The following GPHN variants were observed in gnomAD, a reference collection of about 807,000 sequenced individuals.
GPHN encodes gephyrin.
Under a neutral mutation model 95.5 loss-of-function variants are expected in GPHN, and 17 were observed. That is an observed-to-expected ratio of 0.18 (90% CI 0.12 to 0.27). The LOEUF (loss-of-function observed/expected upper bound fraction) is 0.27, where lower values mean the gene tolerates loss of function less well. GPHN is among the 10% of genes least tolerant of loss of function. GPHN has a pLI of 1.00. For synonymous variants in GPHN, 320 were observed against 322.5 expected (o/e 0.99, Z 0.08); for missense variants, 660 against 978.1 (o/e 0.67, Z 4.34).
chr14:66,788,751 G>A (rs551471934), intron 3 of GPHN, among the ~76,000 whole-genome samples: 1 of 152,226 alleles, frequency 6.6e-6, no homozygotes, highest in South Asian at 2.1e-4. Flanking sequence ...CCAACCCCCA[G>A]GTTCAAGTGA....
chr14:67,478,473 T>G, the GPHN span, among the ~76,000 whole-genome samples: 1 of 152,236 alleles, frequency 6.6e-6, no homozygotes, highest in Non-Finnish European at 1.5e-5. Context: ...CAGCTTTGCC[T>G]TCTTCCTTCT....
intron 2 of GPHN, among the ~76,000 whole-genome samples, chr14:66,741,169 T>G (rs2072759201): frequency 6.6e-6 from 1 of 152,210 alleles, no homozygotes; most frequent in Non-Finnish European, 1.5e-5. Flanking sequence ...CAACACATGC[T>G]TTTTGGGGAA....
chr14:66,957,952 G>A (rs1315142569), intron 8 of GPHN, among the ~76,000 whole-genome samples: 2 of 152,142 alleles, frequency 1.3e-5, no homozygotes, highest in Admixed American at 1.3e-4. Context: ...GATCTGAGGT[G>A]GAACAGTTTT....
At chr14:66,739,538 T>TA (rs1163536546) in intron 2 of GPHN, among the ~76,000 whole-genome samples, 64 of 150,470 alleles carry the variant, frequency 4.3e-4, no homozygotes, top group African/African-American at 1.4e-3. Flanking sequence ...TTTTTTTTTT[T>TA]AAACAAAACC....
intron 2 of GPHN, among the ~76,000 whole-genome samples, chr14:66,690,365 GTTTTA>G (rs2067689470): frequency 6.6e-6 from 1 of 151,886 alleles, no homozygotes; most frequent in Non-Finnish European, 1.5e-5. Flanking sequence ...TTGATTTCTA[GTTTTA>G]TTTAATTTTG....
the GPHN span, chr14:67,332,724 C>T: frequency 6.5e-7 from 1 of 1,528,874 alleles, no homozygotes; most frequent in African/African-American, 1.4e-5. Context: ...CTGACTCATC[C>T]TATATTATTT....
the GPHN span, chr14:67,395,344 T>G: frequency 6.5e-7 from 1 of 1,527,340 alleles, no homozygotes. Flanking sequence ...CAGGGTCCCC[T>G]GCCCACCCAA....
At chr14:66,546,286 A>G (rs958827465) in intron 1 of GPHN, among the ~76,000 whole-genome samples, 79 of 148,804 alleles carry the variant, frequency 5.3e-4, no homozygotes, top group African/African-American at 1.7e-3. Flanking sequence ...CACTTTCCAG[A>G]CTGGGCAGCC....
chr14:66,689,901 T>C (rs1006702907), intron 2 of GPHN, among the ~76,000 whole-genome samples: 1 of 152,056 alleles, frequency 6.6e-6, no homozygotes, highest in East Asian at 1.9e-4. Context: ...TTTTATTTAT[T>C]TGAGTCTTTT....
chr14:66,620,821 C>G (rs1245156160), intron 1 of GPHN, among the ~76,000 whole-genome samples: 1 of 152,174 alleles, frequency 6.6e-6, no homozygotes, highest in Non-Finnish European at 1.5e-5. Context: ...TGCCTATAAG[C>G]CTGTAAAATC....
chr14:66,672,641 C>G (rs955688036), intron 1 of GPHN, among the ~76,000 whole-genome samples: 19 of 152,134 alleles, frequency 1.2e-4, no homozygotes, highest in African/African-American at 4.6e-4. Flanking sequence ...AAATTCATCC[C>G]TTTATCATAA....
chr14:67,430,142 G>T, the GPHN span, among the ~76,000 whole-genome samples: 1 of 152,310 alleles, frequency 6.6e-6, no homozygotes, highest in East Asian at 1.9e-4. Flanking sequence ...GCACGGGTAC[G>T]ATGGGACATG....
At chr14:66,892,574 A>T (rs2064573014) in intron 5 of GPHN, among the ~76,000 whole-genome samples, 1 of 152,176 alleles carries the variant, frequency 6.6e-6, no homozygotes. Flanking sequence ...ATGAAATATT[A>T]TTCAGCCTTA....
chr14:67,231,969 TA>T, the GPHN span, among the ~76,000 whole-genome samples: 2,588 of 140,356 alleles, frequency 0.018, 40 homozygotes, highest in African/African-American at 0.043. Context: ...ACTGTGTCTT[TA>T]AAAAAAAAAA....
chr14:67,707,876 C>T, the GPHN span, among the ~76,000 whole-genome samples: 4 of 152,136 alleles, frequency 2.6e-5, no homozygotes, highest in Non-Finnish European at 5.9e-5. Context: ...GAACCCTGTA[C>T]AGGGGCTGTG....
chr14:67,494,150 T>G, the GPHN span, among the ~76,000 whole-genome samples: 1 of 152,092 alleles, frequency 6.6e-6, no homozygotes. Flanking sequence ...AAGCACCCAG[T>G]CTTGCTAATG....
At chr14:67,358,554 G>C in the GPHN span, among the ~76,000 whole-genome samples, 1 of 152,124 alleles carries the variant, frequency 6.6e-6, no homozygotes, top group Admixed American at 6.5e-5. Flanking sequence ...AAAAGGGAAA[G>C]CCAGGCGCGG....
the GPHN span, chr14:67,650,034 A>G: frequency 1.3e-5 from 2 of 152,338 alleles, no homozygotes; most frequent in Non-Finnish European, 2.9e-5. Context: ...AAACCTTAAC[A>G]GAAGGTAACT....
At chr14:67,225,999 A>C in the GPHN span, among the ~76,000 whole-genome samples, 1 of 148,848 alleles carries the variant, frequency 6.7e-6, no homozygotes, top group African/African-American at 2.5e-5. Flanking sequence ...GCATGCTCAT[A>C]AGGGCTGAGT....
Sources: gnomAD v4.1 joint callset for allele counts (sites outside exome capture counted in the v4.1 genomes callset) on GRCh38, gnomAD v4.1.1 for gene constraint, MANE v1.5 for transcripts, NCBI Gene and HGNC (gene_info 2026-07-23, HGNC 2026-07-21) for gene names.